ROBO1: variants seen among roughly 807,000 people sequenced by gnomAD.
ROBO1 encodes roundabout homolog 1.
Under a neutral mutation model 195.9 loss-of-function variants are expected in ROBO1, and 149 were observed. The ratio of observed to expected loss-of-function variants is 0.76; its 90% CI spans 0.67 to 0.87. ROBO1 has a LOEUF of 0.87. Among genes scored for constraint, ROBO1 ranks in the 40% least tolerant of loss-of-function variants. The probability of loss-of-function intolerance (pLI) is 0.00; values close to 1 mark genes in which losing one functional copy is unlikely to be tolerated. For synonymous variants in ROBO1, 816 were observed against 733.2 expected (o/e 1.11, Z -1.82); for missense variants, 1,933 against 2,068.3 (o/e 0.93, Z 1.27).
chr3:78,749,221 AACAATATGC>A (rs915489834), intron 4 of ROBO1, among the ~76,000 whole-genome samples: 2 of 152,186 alleles, frequency 1.3e-5, no homozygotes, highest in Admixed American at 6.5e-5. Flanking sequence ...AATAAAAGTA[AACAATATGC>A]ACAATTTTTC....
At chr3:79,570,209 T>C (rs554182862) in intron 2 of ROBO1, among the ~76,000 whole-genome samples, 2 of 152,124 alleles carry the variant, frequency 1.3e-5, no homozygotes, top group African/African-American at 2.4e-5. Flanking sequence ...CTCTAGGAAA[T>C]TGAATTATGG....
chr3:79,744,594 C>A (rs75814235), intron 1 of ROBO1, among the ~76,000 whole-genome samples: 2,023 of 152,162 alleles, frequency 0.013, 21 homozygotes, highest in Non-Finnish European at 0.021. Flanking sequence ...AAGAGACCAA[C>A]CCTGCTGGCA....
intron 2 of ROBO1, among the ~76,000 whole-genome samples, chr3:79,432,651 GAGAT>G (rs1203575141): frequency 3.3e-5 from 5 of 152,122 alleles, no homozygotes; most frequent in Non-Finnish European, 7.4e-5. Context: ...GCCTAAGAGA[GAGAT>G]AGAGAGCAAG....
At chr3:79,604,044 A>G (rs1482029342) in intron 1 of ROBO1, among the ~76,000 whole-genome samples, 1 of 151,992 alleles carries the variant, frequency 6.6e-6, no homozygotes, top group African/African-American at 2.4e-5. Context: ...TTAATAAACA[A>G]TTTCATCTGA....
At chr3:79,737,982 A>C (rs563041028) in intron 1 of ROBO1, among the ~76,000 whole-genome samples, 1 of 152,188 alleles carries the variant, frequency 6.6e-6, no homozygotes, top group South Asian at 2.1e-4. Flanking sequence ...TTAGTCATCT[A>C]CTTGGTTAGA....
At chr3:79,125,947 C>T (rs1333439127) in intron 2 of ROBO1, among the ~76,000 whole-genome samples, 2 of 152,158 alleles carry the variant, frequency 1.3e-5, no homozygotes, top group South Asian at 2.1e-4. Flanking sequence ...ACTGTGATCA[C>T]TCCCCATCAT....
intron 4 of ROBO1, among the ~76,000 whole-genome samples, chr3:78,853,269 A>G (rs1431075149): frequency 6.6e-6 from 1 of 151,944 alleles, no homozygotes; most frequent in Non-Finnish European, 1.5e-5. Flanking sequence ...AAGTTAAGCA[A>G]AAGTAGCACA....
intron 5 of ROBO1, among the ~76,000 whole-genome samples, chr3:78,726,101 C>T (rs901833600): frequency 3.9e-5 from 6 of 152,012 alleles, no homozygotes; most frequent in South Asian, 2.1e-4. Flanking sequence ...AAAACAAAAC[C>T]GCTAATTATA....
intron 1 of ROBO1, among the ~76,000 whole-genome samples, chr3:79,720,837 G>C (rs1346848240): frequency 1.3e-5 from 2 of 149,076 alleles, no homozygotes; most frequent in African/African-American, 4.9e-5. Flanking sequence ...CTGTTGCCCA[G>C]GCTGGAGTGC....
At chr3:79,762,560 C>T (rs965666628) in intron 1 of ROBO1, among the ~76,000 whole-genome samples, 9 of 149,402 alleles carry the variant, frequency 6.0e-5, no homozygotes, top group Non-Finnish European at 1.2e-4. Context: ...TTTCAAACAT[C>T]GCTAAAAAAA....
chr3:78,974,472 T>A (rs149420153), intron 3 of ROBO1, among the ~76,000 whole-genome samples: 2 of 152,174 alleles, frequency 1.3e-5, no homozygotes, highest in East Asian at 1.9e-4. Flanking sequence ...AGCTTGGCAA[T>A]AGAAGGATAG....
intron 2 of ROBO1, among the ~76,000 whole-genome samples, chr3:79,371,227 G>A (rs2036181908): frequency 6.6e-6 from 1 of 152,094 alleles, no homozygotes; most frequent in African/African-American, 2.4e-5. Context: ...GGGTCAAATG[G>A]TGTCTCTGGT....
chr3:78,667,170 G>A, intron 14 of ROBO1, among the ~76,000 whole-genome samples: 1 of 151,962 alleles, frequency 6.6e-6, no homozygotes, highest in Admixed American at 6.6e-5. Context: ...ATAAAATTTG[G>A]TTAATTTTAA....
intron 4 of ROBO1, among the ~76,000 whole-genome samples, chr3:78,904,416 C>T (rs1303282120): frequency 6.6e-6 from 1 of 152,028 alleles, no homozygotes; most frequent in Non-Finnish European, 1.5e-5. Context: ...GTTTCTTACA[C>T]TGGGATCAAA....
intron 2 of ROBO1, among the ~76,000 whole-genome samples, chr3:79,231,046 T>C (rs2082310502): frequency 6.6e-6 from 1 of 152,084 alleles, no homozygotes; most frequent in Non-Finnish European, 1.5e-5. Context: ...GACCCCTTCC[T>C]TACACCCTAC....
intron 2 of ROBO1, among the ~76,000 whole-genome samples, chr3:79,365,507 G>C (rs946361112): frequency 3.9e-5 from 6 of 152,110 alleles, no homozygotes; most frequent in Admixed American, 1.3e-4. Context: ...TCATGAATAA[G>C]TAAAAGTCCT....
rs765644534 is a variant in ROBO1 at position 78,668,246 on chromosome 3, C to G, written c.1687G>C (p.Ala563Pro). ...TCTGTCACTTCAGGTTTTGATGGGG[C>G]ACTAGGGATTAAATTTGGGTCAGTA... is the stretch of plus-strand genomic sequence containing the variant. ...RPTDPNLIPS[A>P]PSKPEVTDVS... The change falls in exon 13 of 31, where the codon GCC becomes CCC. Residue 563 changes from alanine (A) to proline (P), a missense_variant. Coordinates refer to ENST00000464233, the MANE Select transcript of ROBO1 (RefSeq NM_002941.4). 1.2e-6 allele frequency: 2 copies of G among 1,613,830 alleles called. No individual in the cohort carries two copies. The highest frequency in any genetic ancestry group is 1.1e-5 in the South Asian group (1 of 91,076).
chr3:79,374,902 T>G (rs1415319397), intron 2 of ROBO1, among the ~76,000 whole-genome samples: 1 of 152,238 alleles, frequency 6.6e-6, no homozygotes, highest in African/African-American at 2.4e-5. Flanking sequence ...GGCAAAGGAC[T>G]TTAGCATATG....
At chr3:78,926,618 C>G (rs1231361876) in intron 4 of ROBO1, among the ~76,000 whole-genome samples, 4 of 152,038 alleles carry the variant, frequency 2.6e-5, no homozygotes, top group African/African-American at 9.7e-5. Flanking sequence ...CTGCAGGTAC[C>G]ACCAGGACCT....
Sources: allele counts gnomAD v4.1 joint callset (sites outside exome capture counted in the v4.1 genomes callset), GRCh38; gene constraint gnomAD v4.1.1; transcripts MANE v1.5; gene names NCBI Gene and HGNC (gene_info 2026-07-23, HGNC 2026-07-21).